Variants in PADI4 observed in about 807,000 individuals in gnomAD.
PADI4 encodes peptidyl arginine deiminase 4.
A neutral mutation model predicts 75.0 loss-of-function variants in PADI4; 62 were observed. The observed-to-expected ratio is 0.83, with a 90% CI of 0.67 to 1.02. The LOEUF (loss-of-function observed/expected upper bound fraction) is 1.02. Ranked by LOEUF, PADI4 falls within the 50% of genes least tolerant of loss-of-function variation. The pLI, the probability that PADI4 is intolerant of heterozygous loss-of-function variation, is 0.00. For missense variants in PADI4, 845 were observed against 850.5 expected, an observed-to-expected ratio of 0.99 and a Z score of 0.08; for synonymous variants, 361 against 348.1, an observed-to-expected ratio of 1.04 and a Z score of -0.41.
At chr1:17,353,001 G>A (rs762215658) in intron 10 of PADI4, among the ~76,000 whole-genome samples, 3 of 152,190 alleles carry the variant, frequency 2.0e-5, no homozygotes, top group South Asian at 2.1e-4. Flanking sequence ...AGGTGTGACC[G>A]CCTGATTCAG....
chr1:17,327,956 A>AT (rs36072593), intron 1 of PADI4, among the ~76,000 whole-genome samples: 4,780 of 150,968 alleles, frequency 0.032, 96 homozygotes, highest in Non-Finnish European at 0.048. Flanking sequence ...TTATTATTGC[A>AT]TTTTTTCCAT....
At chr1:17,360,493 T>C (rs1165868015) in intron 15 of PADI4, among the ~76,000 whole-genome samples, 2 of 152,202 alleles carry the variant, frequency 1.3e-5, no homozygotes, top group African/African-American at 4.8e-5. Context: ...AGTCTTTTTC[T>C]AAGATGGAGT....
At chr1:17,354,401 C>A (rs1445695226) in intron 10 of PADI4, 132 bp from the exon 11 acceptor site, 10 of 760,180 alleles carry the variant, frequency 1.3e-5, no homozygotes, top group Non-Finnish European at 2.1e-5. Context: ...GATAACAGCA[C>A]CTGCTATGTG....
Position 17,359,422 on chromosome 1 carries a change from G to C in PADI4, c.1758+14G>C, listed in dbSNP as rs11203372. The C allele has an allele frequency of 6.2e-7, 1 of 1,613,894 alleles. No homozygotes were observed. The highest frequency in any genetic ancestry group is 1.1e-5 in the South Asian group (1 of 91,060). The stretch of plus-strand genomic sequence containing the variant: ...TTCCCCAACATGGTGAGGAGGTGGC[G>C]GCTTTAAAACCCCAGGGTGTGGCAT... On this transcript the variant is annotated intron_variant, in intron 15 of 15. Coordinates refer to ENST00000375448, the MANE Select transcript of PADI4 (RefSeq NM_012387.3).
In PADI4 at chr1:17,358,440, G is replaced by C. The variant is rs1297015177; in HGVS notation, c.1559-398G>C. On this transcript the variant is annotated intron_variant, in intron 13 of 15. Coordinates refer to ENST00000375448, the MANE Select transcript of PADI4 (RefSeq NM_012387.3). ...AAATTAGCCGGGCGAGGTGGCGGGC[G>C]CCTGTAGTCCCAGCTACTCCGGAGG... 3.9e-4 allele frequency among the ~76,000 whole-genome samples: 20 copies of C among 51,934 alleles called. 9 individuals are homozygous for C. The highest frequency in any genetic ancestry group is 6.1e-4 in the Non-Finnish European group (18 of 29,562). The allele number at this position is 51,934 out of a possible 152,430, so 34.1% of individuals were successfully genotyped here. A position where few individuals can be genotyped will look rare whatever the true frequency, so the allele number is the denominator to read the frequency against.
chr1:17,319,906 T>G (rs1042683752), intron 1 of PADI4, among the ~76,000 whole-genome samples: 2 of 152,214 alleles, frequency 1.3e-5, no homozygotes, highest in Admixed American at 1.3e-4. Context: ...TACAGTTTAC[T>G]ATGTACGAAA....
rs975660296 is a variant in PADI4 at position 17,338,089 on chromosome 1, T to C, written c.460T>C (p.Cys154Arg). 6 of 1,613,730 alleles carry C rather than the reference T, an allele frequency of 3.7e-6. No homozygotes were observed. Among genetic ancestry groups the C allele is most frequent in the Non-Finnish European group, 4.2e-6 (5 of 1,179,748 alleles). ...ACAGGGTGCCATCCTGCTGGTGAAC[T>C]GTGACAGAGACAATCTCGAATCTTC... ...CGQGAILLVNCDRDNLESSAM... is the reference protein window; with the variant it reads ...CGQGAILLVNRDRDNLESSAM... Residue 154 changes from cysteine to arginine, a missense_variant, in exon 5 of 16, where the codon TGT becomes CGT. Cys to Arg is a radical substitution (Grantham distance 180, BLOSUM62 -3). Coordinates refer to ENST00000375448, the MANE Select transcript of PADI4 (RefSeq NM_012387.3).
At chr1:17,349,072 G>A (rs1175497088) in intron 10 of PADI4, among the ~76,000 whole-genome samples, 2 of 152,208 alleles carry the variant, frequency 1.3e-5, no homozygotes, top group South Asian at 2.1e-4. Context: ...CAAGCTGTGC[G>A]CTGAGCAGTG....
chr1:17,339,557 C>A, intron 5 of PADI4, 131 bp from the exon 6 acceptor site: 1 of 851,476 alleles, frequency 1.2e-6, no homozygotes, highest in Non-Finnish European at 1.9e-6. Context: ...AAAAGAAAAC[C>A]AGGCAACATG....
At chr1:17,351,989 G>C in intron 10 of PADI4, among the ~76,000 whole-genome samples, 1 of 29,406 alleles carries the variant, frequency 3.4e-5, no homozygotes, top group East Asian at 6.5e-4. Flanking sequence ...TGGGAGGAGA[G>C]GCAGTCAGGG....
In PADI4 at chr1:17,352,009, G is replaced by GAGGCAGT. The variant is rs1238745994; in HGVS notation, c.1156-2521_1156-2520insCAGTAGG. On this transcript the variant is annotated intron_variant, in intron 10 of 15. Transcript: ENST00000375448. Reference sequence around the variant, plus strand: ...GGAGAGGCAGTCAGGGAGGTGATGGGAGGAGAGGCGGCCAGGGAGGTGATG... The same window carrying GAGGCAGT: ...GGAGAGGCAGTCAGGGAGGTGATGGGAGGCAGTAGGAGAGGCGGCCAGGGAGGTGATG... Among the ~76,000 whole-genome samples the GAGGCAGT allele has an allele frequency of 3.9e-3, 130 of 33,192 alleles. 6 individuals are homozygous for GAGGCAGT. The highest frequency in any genetic ancestry group is 0.012 in the African/African-American group (57 of 4,724). 21.8% of individuals were successfully genotyped at this position (33,192 alleles called of 152,430 possible).
intron 1 of PADI4, among the ~76,000 whole-genome samples, chr1:17,318,027 CA>C (rs1389013985): frequency 2.0e-5 from 3 of 152,142 alleles, no homozygotes; most frequent in Admixed American, 6.5e-5. Flanking sequence ...CCAAAACAAA[CA>C]AAAAACACAC....
chr1:17,330,070 G>A lies in PADI4; in HGVS notation c.93-899G>A, dbSNP rs542756720. 5.9e-5 allele frequency among the ~76,000 whole-genome samples: 9 copies of A among 152,322 alleles called. No individual in the cohort carries two copies. The South Asian group carries it at 1.9e-3, about 32-fold the overall frequency. On this transcript the variant is annotated intron_variant, in intron 1 of 15. Transcript: ENST00000375448. ...CAGAAGTCTATGATGCTTTGTACAT[G>A]CACAATCCTGCGTGTGCACAGTGGC...
chr1:17,325,470 TCTTTA>T (rs137913107), intron 1 of PADI4, among the ~76,000 whole-genome samples: 2,596 of 152,246 alleles, frequency 0.017, 63 homozygotes, highest in African/African-American at 0.057. Context: ...TATTTTTTCC[TCTTTA>T]CTTTATTAGT....
chr1:17,344,813 G>T (rs1330011740), intron 8 of PADI4, among the ~76,000 whole-genome samples: 2 of 152,272 alleles, frequency 1.3e-5, no homozygotes, highest in East Asian at 3.8e-4. Context: ...GAAGTTTGCT[G>T]CAGGGGTGGT....
intron 1 of PADI4, among the ~76,000 whole-genome samples, chr1:17,321,356 C>T (rs1480851355): frequency 6.6e-6 from 1 of 152,158 alleles, no homozygotes; most frequent in Non-Finnish European, 1.5e-5. Context: ...CCAGGGCCCA[C>T]CCTCACTCTC....
intron 4 of PADI4, 26 bp downstream of exon 4, chr1:17,336,252 C>G: frequency 6.3e-7 from 1 of 1,596,794 alleles, no homozygotes. Context: ...ACGCTCCTTT[C>G]CTACTTCTAC....
At chr1:17,355,670 G>A (rs1221329899) in intron 11 of PADI4, among the ~76,000 whole-genome samples, 2 of 152,120 alleles carry the variant, frequency 1.3e-5, no homozygotes, top group Non-Finnish European at 2.9e-5. Flanking sequence ...CACCGACTTA[G>A]GTCAGACTGG....
rs552963849 is a variant in PADI4, at chr1:17,323,557, AG to A, written c.93-7410del. On this transcript the variant is annotated intron_variant, in intron 1 of 15. Transcript: ENST00000375448. ...AAAATAGAAAATGTAATCCTAAGCC[AG>A]GTACTGTGATTCATGCCTGTAATCC... Among the ~76,000 whole-genome samples the A allele has an allele frequency of 1.5e-4, 23 of 152,326 alleles. No individual in the cohort carries two copies. In the South Asian group the frequency reaches 3.9e-3, roughly 26 times the overall value.
Sources: gnomAD v4.1 joint callset for allele counts (sites outside exome capture counted in the v4.1 genomes callset) on GRCh38, gnomAD v4.1.1 for gene constraint, MANE v1.5 for transcripts, NCBI Gene and HGNC (gene_info 2026-07-23, HGNC 2026-07-21) for gene names.